CLINT1: variants seen among roughly 807,000 people sequenced by gnomAD.
The protein encoded by CLINT1 is clathrin interactor 1.
CLINT1 carries 15 observed loss-of-function variants against 70.4 expected under a neutral mutation model. The ratio of observed to expected loss-of-function variants is 0.21; its 90% CI spans 0.14 to 0.33. CLINT1 has a LOEUF of 0.33. Among genes scored for constraint, CLINT1 ranks in the 10% least tolerant of loss-of-function variants. The probability of loss-of-function intolerance (pLI) is 1.00; values close to 1 mark genes in which losing one functional copy is unlikely to be tolerated. For synonymous variants in CLINT1, 227 were observed against 254.7 expected (o/e 0.89, Z 1.04); for missense variants, 615 against 778.1 (o/e 0.79, Z 2.49).
chr5:157,840,529 A>G (rs1258984505), intron 1 of CLINT1, among the ~76,000 whole-genome samples: 2 of 149,718 alleles, frequency 1.3e-5, no homozygotes, highest in Admixed American at 6.7e-5. Context: ...CAAAGGGGGC[A>G]TGATGTATAT....
At chr5:157,854,203 A>G (rs1753671927) in intron 1 of CLINT1, among the ~76,000 whole-genome samples, 1 of 152,218 alleles carries the variant, frequency 6.6e-6, no homozygotes, top group Non-Finnish European at 1.5e-5. Flanking sequence ...CTGAAAGAAA[A>G]GAAAAGAAAA....
At chr5:157,827,994 A>G (rs1289267689) in intron 1 of CLINT1, among the ~76,000 whole-genome samples, 1 of 152,194 alleles carries the variant, frequency 6.6e-6, no homozygotes, top group Non-Finnish European at 1.5e-5. Flanking sequence ...GGACACATCA[A>G]CCACTGTGTG....
chr5:157,822,028 C>G (rs1762892051), intron 1 of CLINT1, among the ~76,000 whole-genome samples: 1 of 152,192 alleles, frequency 6.6e-6, no homozygotes, highest in African/African-American at 2.4e-5. Context: ...TTACCATCCT[C>G]AAGTTTTGCA....
chr5:157,859,101 T>G lies in CLINT1; in HGVS notation c.-131A>C. The stretch of plus-strand genomic sequence containing the variant: ...GCCTCGAACTCCCCCAGTCAGCTCC[T>G]TCCTTTGCCACAGCAGCGGCGCCGC... On this transcript the variant is annotated 5_prime_UTR_variant, in exon 1 of 12. Transcript: ENST00000411809. 2.2e-6 allele frequency: 2 copies of G among 929,346 alleles called. No homozygotes were observed. Among genetic ancestry groups the G allele is most frequent in the Non-Finnish European group, 1.6e-6 (1 of 635,576 alleles). The allele number at this position is 929,346 out of a possible 1,614,324, so 57.6% of individuals were successfully genotyped here.
At chr5:157,845,849 C>T (rs181771409) in intron 1 of CLINT1, among the ~76,000 whole-genome samples, 12 of 152,292 alleles carry the variant, frequency 7.9e-5, no homozygotes, top group Admixed American at 6.5e-4. Flanking sequence ...CCACCATGCC[C>T]GGCCGCATTT....
intron 1 of CLINT1, among the ~76,000 whole-genome samples, chr5:157,839,437 C>T (rs1268212771): frequency 1.3e-5 from 2 of 151,920 alleles, no homozygotes; most frequent in South Asian, 2.1e-4. Context: ...CGCATCTCTA[C>T]TAAAAATACA....
intron 1 of CLINT1, among the ~76,000 whole-genome samples, chr5:157,848,063 T>C (rs531264726): frequency 9.9e-5 from 15 of 152,262 alleles, no homozygotes; most frequent in African/African-American, 3.6e-4. Context: ...TGCCTTGAAC[T>C]CCCAAAGTAC....
chr5:157,814,393 A>C, intron 3 of CLINT1, 100 bp from the exon 4 acceptor site: 2 of 798,090 alleles, frequency 2.5e-6, no homozygotes, highest in Non-Finnish European at 4.0e-6. Context: ...CAAATAAAGA[A>C]TCTTCATGCT....
Position 157,814,233 on chromosome 5 carries a change from T to C in CLINT1, c.304A>G (p.Arg102Gly). ...NGSERVVTSA[R>G]EHIYDLRSLE... ...GATCGTAAATCATAAATGTGTTCTC[T>C]GGCACTTGTAACAACACGCTCTGAT... The change falls in exon 4 of 12, where the codon AGA (arginine) becomes GGA (glycine). Residue 102 changes from arginine to glycine, a missense_variant. Physicochemically the swap from Arg to Gly is moderately radical, Grantham distance 125. This residue lies in a region of CLINT1 where 241 missense variants were observed against 368.6 expected (regional missense o/e 0.65). Coordinates refer to ENST00000411809, the MANE Select transcript of CLINT1 (RefSeq NM_014666.4). 1.9e-6 allele frequency: 3 copies of C among 1,611,150 alleles called. No homozygotes were observed. The highest frequency in any genetic ancestry group is 2.5e-6 in the Non-Finnish European group (3 of 1,178,748).
intron 1 of CLINT1, 88 bp downstream of exon 1, chr5:157,858,842 T>C (rs1384959010): frequency 4.3e-5 from 61 of 1,415,030 alleles, no homozygotes; most frequent in Non-Finnish European, 5.7e-5. Context: ...GGGCGTGACG[T>C]GGGCAACCCC....
intron 8 of CLINT1, among the ~76,000 whole-genome samples, chr5:157,802,561 G>A (rs566450093): frequency 7.2e-6 from 1 of 139,742 alleles, no homozygotes. Context: ...TTTTTTTTCC[G>A]AGATGGAGTT....
In CLINT1 at chr5:157,816,777, C is replaced by T. The variant is rs1444476794; in HGVS notation, c.200G>A (p.Arg67Gln). 6.2e-7 allele frequency: 1 copy of T among 1,610,914 alleles called. No homozygotes were observed. The highest frequency in any genetic ancestry group is 8.5e-7 in the Non-Finnish European group (1 of 1,178,930). The change falls in exon 3 of 12, where the codon CGA (arginine) becomes CAA (glutamine). Residue 67 changes from arginine (R) to glutamine (Q), a missense_variant. By Grantham distance (43) the Arg-to-Gln change is conservative. Around this residue, in one of 2 missense-constraint regions of CLINT1, gnomAD observed 241 missense variants for 368.6 expected, o/e 0.65. Coordinates refer to ENST00000411809, the MANE Select transcript of CLINT1 (RefSeq NM_014666.4). ...ATTCTTTTTGTTGTCTTTTAACATT[C>T]GTGACCAAAGCATGTTCATAAGTTC... ...FPELMNMLWS[R>Q]MLKDNKKNWR...
chr5:157,847,988 G>A (rs778750545), intron 1 of CLINT1, among the ~76,000 whole-genome samples: 2 of 152,106 alleles, frequency 1.3e-5, no homozygotes, highest in African/African-American at 2.4e-5. Flanking sequence ...TGTATTTTTA[G>A]CAGAGATGAG....
chr5:157,857,885 C>T (rs1753808214), intron 1 of CLINT1, among the ~76,000 whole-genome samples: 1 of 152,224 alleles, frequency 6.6e-6, no homozygotes, highest in Non-Finnish European at 1.5e-5. Flanking sequence ...AGTTTGCTAT[C>T]TATACTTCCT....
At chr5:157,839,291 C>A (rs1418345276) in intron 1 of CLINT1, among the ~76,000 whole-genome samples, 1 of 151,676 alleles carries the variant, frequency 6.6e-6, no homozygotes, top group Non-Finnish European at 1.5e-5. Flanking sequence ...AAAGTATCAT[C>A]ACCACACTTC....
At chr5:157,844,023 T>C (rs1753285513) in intron 1 of CLINT1, among the ~76,000 whole-genome samples, 1 of 152,088 alleles carries the variant, frequency 6.6e-6, no homozygotes, top group African/African-American at 2.4e-5. Context: ...ATCTCAACAG[T>C]GGTAAGAGTG....
chr5:157,788,757 CAGG>C (rs1425100672), intron 11 of CLINT1, among the ~76,000 whole-genome samples: 4 of 152,024 alleles, frequency 2.6e-5, no homozygotes, highest in Non-Finnish European at 5.9e-5. Context: ...CACTTGAGGT[CAGG>C]AGTTCAAGAC....
At chr5:157,814,382 G>T in intron 3 of CLINT1, 89 bp from the exon 4 acceptor site, 2 of 886,476 alleles carry the variant, frequency 2.3e-6, no homozygotes, top group Non-Finnish European at 1.7e-6. Context: ...TCTAACATTA[G>T]CAAATAAAGA....
At chr5:157,836,482 T>C (rs1234291794) in intron 1 of CLINT1, among the ~76,000 whole-genome samples, 2 of 152,212 alleles carry the variant, frequency 1.3e-5, no homozygotes, top group Admixed American at 6.5e-5. Flanking sequence ...CAATCCACTA[T>C]CCAACTCAGC....
Sources: allele counts gnomAD v4.1 joint callset (sites outside exome capture counted in the v4.1 genomes callset), GRCh38; gene constraint gnomAD v4.1.1; regional missense constraint gnomAD v4.1.1; transcripts MANE v1.5; gene names NCBI Gene and HGNC (gene_info 2026-07-23, HGNC 2026-07-21).